Variants in FAM216A observed in about 807,000 individuals in gnomAD.
The protein encoded by FAM216A is family with sequence similarity 216 member A.
FAM216A carries 26 observed loss-of-function variants against 37.6 expected under a neutral mutation model. The observed-to-expected ratio is 0.69, with a 90% CI of 0.51 to 0.96. The LOEUF is 0.96. Ranked by LOEUF, FAM216A falls within the 40% of genes least tolerant of loss-of-function variation. The pLI, the probability that FAM216A is intolerant of heterozygous loss-of-function variation, is 0.00. For missense variants in FAM216A, 326 were observed against 339.3 expected (o/e 0.96, Z 0.31); for synonymous variants, 110 against 121.7 (o/e 0.90, Z 0.64).
intron 2 of FAM216A, among the ~76,000 whole-genome samples, chr12:110,479,708 C>T (rs551246340): frequency 5.3e-5 from 8 of 151,564 alleles, no homozygotes; most frequent in Admixed American, 2.6e-4. Context: ...CATGGTGGCG[C>T]GTGTCTGTAA....
chr12:110,472,123 C>T (rs550438232), intron 1 of FAM216A, among the ~76,000 whole-genome samples: 19 of 151,560 alleles, frequency 1.3e-4, no homozygotes, highest in Admixed American at 1.2e-3. Context: ...TCCCAGCTAC[C>T]GGGAGGCTGA....
At chr12:110,488,216 C>A (rs1402832271) in intron 6 of FAM216A, among the ~76,000 whole-genome samples, 3 of 151,952 alleles carry the variant, frequency 2.0e-5, no homozygotes, top group African/African-American at 7.2e-5. Flanking sequence ...TCGAGACCCG[C>A]CTGGCCAACA....
chr12:110,489,232 C>T (rs576562766), intron 6 of FAM216A, among the ~76,000 whole-genome samples: 57 of 152,168 alleles, frequency 3.7e-4, no homozygotes, highest in African/African-American at 1.4e-3. Flanking sequence ...TGGCCAGGCG[C>T]AGTGGCTCAT....
intron 1 of FAM216A, among the ~76,000 whole-genome samples, chr12:110,469,773 T>A (rs951767849): frequency 1.3e-5 from 2 of 152,000 alleles, no homozygotes; most frequent in African/African-American, 4.8e-5. Flanking sequence ...GCCTCCCAAA[T>A]TGCTGGGATT....
intron 2 of FAM216A, 73 bp downstream of exon 2, chr12:110,473,191 CT>C: frequency 1.3e-6 from 1 of 767,884 alleles, no homozygotes; most frequent in Non-Finnish European, 2.1e-6. Flanking sequence ...TCTGTAACTA[CT>C]TACACAATAG....
chr12:110,476,111 C>G (rs1467571428), intron 2 of FAM216A, among the ~76,000 whole-genome samples: 1 of 151,878 alleles, frequency 6.6e-6, no homozygotes, highest in Non-Finnish European at 1.5e-5. Context: ...TATCTATAGA[C>G]CTTATTAAGA....
chr12:110,483,971 C>T lies in FAM216A; in HGVS notation c.185-1107C>T, dbSNP rs141552219. Among the ~76,000 whole-genome samples the T allele has an allele frequency of 1.4e-3, 212 of 151,892 alleles. 1 individual carries two copies. The highest frequency in any genetic ancestry group is 6.8e-3 in the Middle Eastern group (2 of 294). On this transcript the variant is annotated intron_variant, in intron 2 of 6. Transcript: ENST00000377673. ...CTAATACAGAATAGAATTTTAAGGCCGAGTGCAGTGGCTCACACCTATAAT... is the reference window on the plus strand; with the variant it reads ...CTAATACAGAATAGAATTTTAAGGCTGAGTGCAGTGGCTCACACCTATAAT...
At position 110,478,571 on chromosome 12, in the gene FAM216A, A is replaced by C. The variant is rs1457537648; in HGVS notation, c.184+5453A>C. 2.6e-5 allele frequency among the ~76,000 whole-genome samples: 4 copies of C among 152,174 alleles called. No homozygotes were observed. The East Asian group carries it at 7.7e-4, about 29-fold the overall frequency. On this transcript the variant is annotated intron_variant, in intron 2 of 6. Transcript: ENST00000377673. ...GAAGCAGTTAGATGTGAAAGGAGAG[A>C]TCTTAACACCCCATTGTTGGCTTGA...
In FAM216A at chr12:110,490,058, A is replaced by C; in HGVS notation, c.743A>C (p.Lys248Thr). ...DDSESHMSEEKKEEDLLNNFM... is the reference protein window; with the variant it reads ...DDSESHMSEETKEEDLLNNFM... ...TCTGAATCACACATGAGTGAAGAAA[A>C]AAAGGAAGAAGATTTACTAAATAAT... The change falls in exon 7 of 7, where the codon AAA becomes ACA. Residue 248 changes from lysine (K) to threonine (T), a missense_variant. Lys to Thr is a moderately conservative substitution (Grantham distance 78). Coordinates refer to ENST00000377673, the MANE Select transcript of FAM216A (RefSeq NM_013300.3). 3.2e-6 allele frequency: 5 copies of C among 1,550,132 alleles called. No individual in the cohort carries two copies. Among genetic ancestry groups the C allele is most frequent in the Non-Finnish European group, 4.5e-6 (5 of 1,122,288 alleles).
chr12:110,486,331 G>A lies in FAM216A; in HGVS notation c.313G>A (p.Asp105Asn), dbSNP rs375289792. Residue 105 changes from aspartate to asparagine, a missense_variant, in exon 4 of 7, where the codon GAC (aspartate) becomes AAC (asparagine). Asp to Asn is a conservative substitution (Grantham distance 23). Coordinates refer to ENST00000377673, the MANE Select transcript of FAM216A (RefSeq NM_013300.3). ...MMEASFFKHP[D>N]LTTGQKRYLC... ...CTCTTATTCTGTCTTTTAGCATCCA[G>A]ACCTCACCACAGGCCAGAAGCGTTA... 1 of 1,606,828 alleles carries A rather than the reference G, an allele frequency of 6.2e-7. No homozygotes were observed. The highest frequency in any genetic ancestry group is 1.3e-5 in the African/African-American group (1 of 74,802).
chr12:110,486,953 T>C (rs1172033729), intron 5 of FAM216A: 2 of 456,172 alleles, frequency 4.4e-6, no homozygotes, highest in Non-Finnish European at 7.8e-6. Flanking sequence ...AGAAAGCATC[T>C]CACTATGTTG....
chr12:110,479,827 G>T (rs958221693), intron 2 of FAM216A, among the ~76,000 whole-genome samples: 11 of 150,276 alleles, frequency 7.3e-5, no homozygotes, highest in Admixed American at 6.6e-5. Context: ...ACAGAGCAAG[G>T]CTCCATCTAA....
chr12:110,474,719 A>T (rs894603722), intron 2 of FAM216A, among the ~76,000 whole-genome samples: 4 of 131,580 alleles, frequency 3.0e-5, no homozygotes, highest in Non-Finnish European at 4.8e-5. Flanking sequence ...AAAAAAAAAA[A>T]TGCTGGGCGC....
chr12:110,485,851 A>G (rs2062773868), intron 3 of FAM216A, among the ~76,000 whole-genome samples: 1 of 152,222 alleles, frequency 6.6e-6, no homozygotes, highest in Admixed American at 6.5e-5. Context: ...ATCTCAAGTC[A>G]AAATTACTTA....
chr12:110,480,592 T>C (rs2062741878), intron 2 of FAM216A, among the ~76,000 whole-genome samples: 1 of 151,898 alleles, frequency 6.6e-6, no homozygotes, highest in Non-Finnish European at 1.5e-5. Context: ...CTGGGATGTA[T>C]AGGCATGAGC....
chr12:110,468,613 G>A (rs1164779393), upstream of FAM216A: 2 of 1,537,124 alleles, frequency 1.3e-6, no homozygotes, highest in East Asian at 2.4e-5. Context: ...TGAAGTGGAA[G>A]GCACCTCTTG....
At chr12:110,471,133 C>T (rs1290976532) in intron 1 of FAM216A, among the ~76,000 whole-genome samples, 2 of 151,824 alleles carry the variant, frequency 1.3e-5, no homozygotes, top group African/African-American at 4.8e-5. Context: ...CTCGCTCTGT[C>T]ACCCAGGCTG....
intron 2 of FAM216A, among the ~76,000 whole-genome samples, chr12:110,480,316 G>A (rs2062739945): frequency 6.8e-6 from 1 of 146,392 alleles, no homozygotes; most frequent in Non-Finnish European, 1.5e-5. Context: ...CCATTCTCCT[G>A]CCTCAGCCTC....
At chr12:110,480,175 C>T (rs2062738310) in intron 2 of FAM216A, among the ~76,000 whole-genome samples, 1 of 144,990 alleles carries the variant, frequency 6.9e-6, no homozygotes, top group South Asian at 2.2e-4. Context: ...ACAGGTGCAC[C>T]CCCACCACGC....
Sources: gnomAD v4.1 joint callset for allele counts (sites outside exome capture counted in the v4.1 genomes callset) on GRCh38, gnomAD v4.1.1 for gene constraint, MANE v1.5 for transcripts, NCBI Gene and HGNC (gene_info 2026-07-23, HGNC 2026-07-21) for gene names.